Variants in CPAMD8 observed in about 807,000 individuals in gnomAD.
The protein encoded by CPAMD8 is C3 and PZP-like alpha-2-macroglobulin domain-containing protein 8.
A neutral mutation model predicts 224.7 loss-of-function variants in CPAMD8; 146 were observed. The ratio of observed to expected loss-of-function variants is 0.65; its 90% CI spans 0.57 to 0.75. The LOEUF (loss-of-function observed/expected upper bound fraction) is 0.75, where lower values mean the gene tolerates loss of function less well. CPAMD8 is among the 30% of genes least tolerant of loss of function. CPAMD8 has a pLI of 0.00. For synonymous variants in CPAMD8, 966 were observed against 1,044.6 expected (o/e 0.92, Z 1.45); for missense variants, 2,301 against 2,537.5 (o/e 0.91, Z 2.00).
At chr19:16,897,606 C>T (rs1024630879) in intron 39 of CPAMD8, 85 bp downstream of exon 39, 12 of 751,804 alleles carry the variant, frequency 1.6e-5, no homozygotes, top group South Asian at 3.7e-5. Flanking sequence ...GCCAAGCCCC[C>T]AGGGGAGCCC....
intron 24 of CPAMD8, 42 bp downstream of exon 24, chr19:16,928,900 C>T (rs1456320888): frequency 2.0e-6 from 3 of 1,507,444 alleles, no homozygotes; most frequent in Non-Finnish European, 2.7e-6. Context: ...ATTGGAGGAA[C>T]ATGAGGCTTC....
chr19:16,892,970 G>A lies in CPAMD8; in HGVS notation c.*138C>T, dbSNP rs745895087. The A allele has an allele frequency of 1.0e-5, 8 of 765,712 alleles. No individual in the cohort carries two copies. Among genetic ancestry groups the A allele is most frequent in the African/African-American group, 6.8e-5 (4 of 59,034 alleles). The allele number at this position is 765,712 out of a possible 1,614,324, so 47.4% of individuals were successfully genotyped here. A position where few individuals can be genotyped will look rare whatever the true frequency, so the allele number is the denominator to read the frequency against. On this transcript the variant is annotated 3_prime_UTR_variant, in exon 42 of 42. Coordinates refer to ENST00000443236, the MANE Select transcript of CPAMD8 (RefSeq NM_015692.5). ...AGAACATGTGAGTAAGATCAGTAAC[G>A]TGTATTCTTGTCAATATCCTGGAGT...
chr19:16,967,762 T>C (rs940477972), intron 18 of CPAMD8, among the ~76,000 whole-genome samples: 3 of 151,280 alleles, frequency 2.0e-5, no homozygotes, highest in African/African-American at 7.3e-5. Flanking sequence ...TAAGCCAAGA[T>C]GGCGCCACTA....
Position 16,925,367 on chromosome 19 carries a change from C to T in CPAMD8, c.3376G>A (p.Val1126Ile), listed in dbSNP as rs367994692. 3.5e-5 allele frequency: 56 copies of T among 1,613,636 alleles called. No homozygotes were observed. Among genetic ancestry groups the T allele is most frequent in the East Asian group, 8.9e-5 (4 of 44,888 alleles). Residue 1126 changes from valine to isoleucine, a missense_variant, in exon 26 of 42, where the codon GTC becomes ATC. Val to Ile is a conservative substitution (Grantham distance 29). Coordinates refer to ENST00000443236, the MANE Select transcript of CPAMD8 (RefSeq NM_015692.5). ...AGGTGGTTCAGGGTTGGCCCCATGA[C>T]GTCCCCTGGTGGGAAGGAGAAGAGA... ...ERATASIIGD[V>I]MGPTLNHLNN...
At chr19:16,982,396 A>C (rs1245331278) in intron 13 of CPAMD8, among the ~76,000 whole-genome samples, 4 of 152,100 alleles carry the variant, frequency 2.6e-5, no homozygotes, top group Admixed American at 2.6e-4. Flanking sequence ...TGTCTCAATC[A>C]ATCAATCAAT....
At chr19:16,950,814 AAGAGAAAGAG>A (rs1204123075) in intron 20 of CPAMD8, among the ~76,000 whole-genome samples, 1 of 150,868 alleles carries the variant, frequency 6.6e-6, no homozygotes, top group Non-Finnish European at 1.5e-5. Flanking sequence ...AAAAAAAAAA[AAGAGAAAGAG>A]AGAGAAAGAA....
intron 29 of CPAMD8, among the ~76,000 whole-genome samples, chr19:16,911,310 T>G (rs1244589394): frequency 6.6e-6 from 1 of 152,052 alleles, no homozygotes; most frequent in African/African-American, 2.4e-5. Context: ...GCATGAACCC[T>G]ATTGTGAACT....
At chr19:16,955,728 G>A (rs992754973) in intron 19 of CPAMD8, among the ~76,000 whole-genome samples, 1 of 152,148 alleles carries the variant, frequency 6.6e-6, no homozygotes, top group South Asian at 2.1e-4. Context: ...CCAGGCTGGA[G>A]TGCAGTGGTG....
chr19:16,988,985 C>T (rs1363431191), intron 13 of CPAMD8, among the ~76,000 whole-genome samples: 7 of 152,064 alleles, frequency 4.6e-5, no homozygotes, highest in Non-Finnish European at 1.0e-4. Context: ...GGTTGCATGC[C>T]CCTAATGAGA....
In CPAMD8 at chr19:16,914,412, T is replaced by C. The variant is rs186183261; in HGVS notation, c.3861+12A>G. The C allele has an allele frequency of 3.6e-4, 575 of 1,613,392 alleles. 3 individuals are homozygous for C. The African/African-American group carries it at 6.6e-3, about 18-fold the overall frequency. Reference sequence around the variant, plus strand: ...CCAGCCCCGAGTCTCCCCAAACCCCTTCTGTACTCACCTCTGAGGCTGTGC... The same window carrying C: ...CCAGCCCCGAGTCTCCCCAAACCCCCTCTGTACTCACCTCTGAGGCTGTGC... On this transcript the variant is annotated intron_variant, in intron 29 of 41. Coordinates refer to ENST00000443236, the MANE Select transcript of CPAMD8 (RefSeq NM_015692.5).
intron 15 of CPAMD8, 67 bp downstream of exon 15, chr19:16,977,301 G>T: frequency 9.6e-7 from 1 of 1,044,206 alleles, no homozygotes; most frequent in Non-Finnish European, 1.5e-6. Flanking sequence ...CAGACCCCCT[G>T]GCCAGCACCT....
intron 23 of CPAMD8, among the ~76,000 whole-genome samples, chr19:16,929,946 T>C (rs2053496582): frequency 1.3e-5 from 2 of 151,898 alleles, no homozygotes; most frequent in Non-Finnish European, 2.9e-5. Flanking sequence ...CTAACTGGAT[T>C]CCAAAATTTA....
rs2052101961 is a variant in CPAMD8 at position 16,898,084 on chromosome 19, C to A, written c.4849-90G>T. 1.2e-6 allele frequency: 1 copy of A among 805,516 alleles called. No individual in the cohort carries two copies. Among genetic ancestry groups the A allele is most frequent in the Non-Finnish European group, 2.0e-6 (1 of 502,480 alleles). The allele number at this position is 805,516 out of a possible 1,614,324, so 49.9% of individuals were successfully genotyped here. A position where few individuals can be genotyped will look rare whatever the true frequency, so the allele number is the denominator to read the frequency against. On this transcript the variant is annotated intron_variant, in intron 37 of 41. Coordinates refer to ENST00000443236, the MANE Select transcript of CPAMD8 (RefSeq NM_015692.5). The surrounding 1 kb of genome is among the most constrained non-coding windows in gnomAD (Gnocchi z 4.2). ...CCAGAACTGGCTGATTTCAGGGATACCCAGGACGCGTGAAACACAGAAGAA... is the reference window on the plus strand; with the variant it reads ...CCAGAACTGGCTGATTTCAGGGATAACCAGGACGCGTGAAACACAGAAGAA...
At chr19:17,023,806 T>A (rs149165549) in intron 1 of CPAMD8, among the ~76,000 whole-genome samples, 68 of 152,278 alleles carry the variant, frequency 4.5e-4, no homozygotes, top group African/African-American at 1.6e-3. Flanking sequence ...GGTCTTGACC[T>A]CCTGACCTCA....
At chr19:16,896,689 A>G in intron 39 of CPAMD8, 24 bp from the exon 40 acceptor site, 2 of 1,402,126 alleles carry the variant, frequency 1.4e-6, no homozygotes, top group South Asian at 1.5e-5. Context: ...CAGGCTCGAC[A>G]GACCCCCCAC....
chr19:16,972,332 C>A (rs1008980203), intron 17 of CPAMD8, among the ~76,000 whole-genome samples: 3 of 151,858 alleles, frequency 2.0e-5, no homozygotes, highest in African/African-American at 7.3e-5. Context: ...CCCGGCTATG[C>A]AATTAGTCTT....
chr19:16,942,161 T>A (rs1427192120), intron 22 of CPAMD8, among the ~76,000 whole-genome samples: 2 of 152,078 alleles, frequency 1.3e-5, no homozygotes, highest in East Asian at 3.9e-4. Context: ...CCTCTTTTCT[T>A]TACTAATTAT....
At chr19:16,929,883 C>T (rs1296735707) in intron 23 of CPAMD8, among the ~76,000 whole-genome samples, 2 of 152,164 alleles carry the variant, frequency 1.3e-5, no homozygotes, top group Non-Finnish European at 2.9e-5. Context: ...GATGGTTCTA[C>T]AGATTCAAAG....
Position 16,896,500 on chromosome 19 carries a change from T to A in CPAMD8, c.5231A>T (p.Gln1744Leu). Residue 1744 changes from glutamine to leucine, a missense_variant, in exon 40 of 42, where the codon CAG becomes CTG. Gln to Leu is a moderately radical substitution (Grantham distance 113). This residue lies in a region of CPAMD8 where 1,709 missense variants were observed against 1,753.2 expected (regional missense o/e 0.97). Transcript: ENST00000443236. ...ACRLREAACR[Q>L]AAPLEPAPPS... ...AGGCGCGGGCTCCAGGGGCGCGGCC[T>A]GGCGGCAGGCGGCCTCCCGCAGGCG... is the stretch of plus-strand genomic sequence containing the variant. The A allele has an allele frequency of 7.0e-7, 1 of 1,427,920 alleles. No homozygotes were observed. Among genetic ancestry groups the A allele is most frequent in the Non-Finnish European group, 9.1e-7 (1 of 1,102,198 alleles). The allele number at this position is 1,427,920 out of a possible 1,614,324, so 88.5% of individuals were successfully genotyped here.
Sources: allele counts gnomAD v4.1 joint callset (sites outside exome capture counted in the v4.1 genomes callset), GRCh38; gene constraint gnomAD v4.1.1; regional missense constraint gnomAD v4.1.1; non-coding constraint Gnocchi (gnomAD v3.1); transcripts MANE v1.5; gene names NCBI Gene and HGNC (gene_info 2026-07-23, HGNC 2026-07-21).